The following KIF1B variants were observed in gnomAD, a reference collection of about 807,000 sequenced individuals.
KIF1B encodes kinesin-like protein KIF1B.
KIF1B carries 76 observed loss-of-function variants against 241.9 expected under a neutral mutation model. The observed-to-expected ratio is 0.31, with a 90% CI of 0.26 to 0.38. The LOEUF (loss-of-function observed/expected upper bound fraction) is 0.38, where lower values mean the gene tolerates loss of function less well. KIF1B is among the 10% of genes least tolerant of loss of function. The probability of loss-of-function intolerance (pLI) is 1.00; values close to 1 mark genes in which losing one functional copy is unlikely to be tolerated. For missense variants in KIF1B, 1,622 were observed against 2,271.4 expected, an observed-to-expected ratio of 0.71 and a Z score of 5.81; for synonymous variants, 750 against 796.7, an observed-to-expected ratio of 0.94 and a Z score of 0.99.
At position 10,303,354 on chromosome 1, in the gene KIF1B, G is replaced by A. The variant is rs1444271958; in HGVS notation, c.2115+6108G>A. 1 of 1,614,198 alleles carries A rather than the reference G, an allele frequency of 6.2e-7. No homozygotes were observed. Among genetic ancestry groups the A allele is most frequent in the East Asian group, 2.2e-5 (1 of 44,884 alleles). Reference sequence around the variant, plus strand: ...ATCAGATACCCCAAAGAAGGCGCTTGAGTAAAGATTCCAAGTGGGTCACAA... The same window carrying A: ...ATCAGATACCCCAAAGAAGGCGCTTAAGTAAAGATTCCAAGTGGGTCACAA... On this transcript the variant is annotated intron_variant, in intron 22 of 48. Transcript: ENST00000676179. This position sits in a 1 kb window ranked among gnomAD's most constrained non-coding sequence, Gnocchi z 5.2.
In KIF1B at chr1:10,370,154, G is replaced by A. The variant is rs148300429; in HGVS notation, c.4825-987G>A. On this transcript the variant is annotated intron_variant, in intron 44 of 48. Coordinates refer to ENST00000676179, the MANE Select transcript of KIF1B (RefSeq NM_001365951.3). ...TGTAATCCCAGCTACTCAGGAGGCTGTGGCAGAATTGCTTGAACCTGGGAG... is the reference window on the plus strand; with the variant it reads ...TGTAATCCCAGCTACTCAGGAGGCTATGGCAGAATTGCTTGAACCTGGGAG... Among the ~76,000 whole-genome samples the A allele has an allele frequency of 1.4e-3, 213 of 152,306 alleles. 1 individual carries two copies. Among genetic ancestry groups the A allele is most frequent in the African/African-American group, 4.9e-3 (204 of 41,564 alleles).
At chr1:10,372,778 C>T (rs1638781230) in intron 45 of KIF1B, among the ~76,000 whole-genome samples, 1 of 148,944 alleles carries the variant, frequency 6.7e-6, no homozygotes, top group African/African-American at 2.4e-5. Flanking sequence ...TACAGGTGCC[C>T]GCCACCACAC....
intron 37 of KIF1B, among the ~76,000 whole-genome samples, 196 bp downstream of exon 37, chr1:10,348,929 C>G (rs1026615911): frequency 6.6e-6 from 1 of 152,162 alleles, no homozygotes; most frequent in Non-Finnish European, 1.5e-5. Context: ...GTGTGAGGCA[C>G]TGTGCCCTGT....
chr1:10,260,881 A>G (rs1483792236), intron 4 of KIF1B, among the ~76,000 whole-genome samples: 2 of 151,626 alleles, frequency 1.3e-5, no homozygotes, highest in East Asian at 1.9e-4. Context: ...AAAAAAAAAA[A>G]GAAACCACAC....
chr1:10,210,622 C>A lies in KIF1B; in HGVS notation c.-336C>A, dbSNP rs943896795. On this transcript the variant is annotated 5_prime_UTR_variant, in exon 1 of 49. Transcript: ENST00000676179. This position sits in a 1 kb window ranked among gnomAD's most constrained non-coding sequence, Gnocchi z 4.1. ...GCCCGCGCGCGTCGGAGCAGCTCCC[C>A]GTCCTCCGCAGCCGTCACCGCCGGC... Among the ~76,000 whole-genome samples, 6 of 151,716 alleles carry A rather than the reference C, an allele frequency of 4.0e-5. No homozygotes were observed. Among genetic ancestry groups the A allele is most frequent in the African/African-American group, 1.4e-4 (6 of 41,490 alleles).
At chr1:10,259,304 A>C (rs1647978380) in intron 4 of KIF1B, among the ~76,000 whole-genome samples, 1 of 151,818 alleles carries the variant, frequency 6.6e-6, no homozygotes, top group Admixed American at 6.6e-5. Context: ...AAGTATTTAA[A>C]AAGAACTTCA....
intron 37 of KIF1B, among the ~76,000 whole-genome samples, chr1:10,350,972 C>T (rs1178858631): frequency 6.6e-6 from 1 of 150,486 alleles, no homozygotes; most frequent in Non-Finnish European, 1.5e-5. Flanking sequence ...CCTATAGTCT[C>T]AACTACTCAG....
At position 10,271,774 on chromosome 1, in the gene KIF1B, C is replaced by T. The variant is rs754706860; in HGVS notation, c.798+195C>T. Among the ~76,000 whole-genome samples the T allele has an allele frequency of 6.6e-5, 10 of 152,206 alleles. No homozygotes were observed. In the East Asian group the frequency reaches 9.6e-4, roughly 15 times the overall value. On this transcript the variant is annotated intron_variant, in intron 8 of 48. Coordinates refer to ENST00000676179, the MANE Select transcript of KIF1B (RefSeq NM_001365951.3). Reference sequence around the variant, plus strand: ...AAAATAATTTGTGTCTGTCCTTCTACGGAAAAATTTTGCTGACTCCTGATC... The same window carrying T: ...AAAATAATTTGTGTCTGTCCTTCTATGGAAAAATTTTGCTGACTCCTGATC...
At chr1:10,301,720 A>G (rs1569766795) in intron 22 of KIF1B, among the ~76,000 whole-genome samples, 1 of 152,208 alleles carries the variant, frequency 6.6e-6, no homozygotes, top group African/African-American at 2.4e-5. Context: ...TCATAGGCAG[A>G]GCAGCTGAGT....
intron 17 of KIF1B, among the ~76,000 whole-genome samples, chr1:10,293,401 T>C (rs1263212431): frequency 6.7e-6 from 1 of 149,782 alleles, no homozygotes; most frequent in Admixed American, 6.6e-5. Context: ...AAATTTTTTT[T>C]TTTTTTTTTT....
At chr1:10,306,757 TAAAAAAAAA>T (rs745772393) in intron 22 of KIF1B, 16,273 of 566,286 alleles carry the variant, frequency 0.029, 73 homozygotes, top group Non-Finnish European at 0.031. Context: ...AACCTGTCTT[TAAAAAAAAA>T]AAAAAAAAAA....
intron 2 of KIF1B, among the ~76,000 whole-genome samples, chr1:10,240,721 A>T (rs113387068): frequency 0.042 from 4,571 of 110,054 alleles, 119 homozygotes; most frequent in Middle Eastern, 0.16. Flanking sequence ...TGGGTAGTTC[A>T]TTTTTTTTTT....
intron 1 of KIF1B, among the ~76,000 whole-genome samples, chr1:10,224,190 C>T (rs1289863502): frequency 1.3e-5 from 2 of 152,052 alleles, no homozygotes; most frequent in Admixed American, 6.6e-5. Context: ...TATCCCAGCT[C>T]ACTGCAACCT....
At position 10,326,527 on chromosome 1, in the gene KIF1B, A is replaced by G. The variant is rs1651730438; in HGVS notation, c.2924+168A>G. 6.6e-6 allele frequency among the ~76,000 whole-genome samples: 1 copy of G among 152,130 alleles called. No individual in the cohort carries two copies. The highest frequency in any genetic ancestry group is 1.5e-5 in the Non-Finnish European group (1 of 68,024). On this transcript the variant is annotated intron_variant, in intron 27 of 48. Transcript: ENST00000676179. This position sits in a 1 kb window ranked among gnomAD's most constrained non-coding sequence, Gnocchi z 5.2. ...CTTAGTCAGTGCTGGTCTGGCTGAG[A>G]TGGTTCTCAGGCATTGTGTGTGAGG...
intron 1 of KIF1B, among the ~76,000 whole-genome samples, chr1:10,213,338 A>G (rs1646722138): frequency 6.6e-6 from 1 of 152,160 alleles, no homozygotes; most frequent in African/African-American, 2.4e-5. Flanking sequence ...TAAGGCTTAG[A>G]ACAGACTGTT....
chr1:10,279,084 T>G lies in KIF1B; in HGVS notation c.1181-13T>G, dbSNP rs1649269724. ...TTGACCCTTCTCGTATTTTCCCTCC[T>G]GCTTACCTTCAGTTGATCCATTGAT... On this transcript the variant is annotated splice_polypyrimidine_tract_variant and intron_variant, in intron 13 of 48. Coordinates refer to ENST00000676179, the MANE Select transcript of KIF1B (RefSeq NM_001365951.3). 1.3e-6 allele frequency: 2 copies of G among 1,544,060 alleles called. No individual in the cohort carries two copies. Among genetic ancestry groups the G allele is most frequent in the Admixed American group, 3.9e-5 (2 of 50,944 alleles).
At chr1:10,255,625 A>T (rs1458380033) in intron 2 of KIF1B, among the ~76,000 whole-genome samples, 1 of 152,166 alleles carries the variant, frequency 6.6e-6, no homozygotes. Flanking sequence ...GTTCATTTCC[A>T]AATTTTGGCT....
At chr1:10,375,671 C>T (rs1375855892) in intron 48 of KIF1B, among the ~76,000 whole-genome samples, 1 of 151,922 alleles carries the variant, frequency 6.6e-6, no homozygotes, top group African/African-American at 2.4e-5. Flanking sequence ...AGGCCTGAGC[C>T]ACTGCACCCA....
intron 3 of KIF1B, 137 bp from the exon 4 acceptor site, chr1:10,258,356 A>G: frequency 1.3e-6 from 1 of 794,304 alleles, no homozygotes; most frequent in Admixed American, 2.4e-5. Flanking sequence ...AAACTTGTGT[A>G]TAGGAGGCTT....
Sources: allele counts gnomAD v4.1 joint callset (sites outside exome capture counted in the v4.1 genomes callset), GRCh38; gene constraint gnomAD v4.1.1; non-coding constraint Gnocchi (gnomAD v3.1); transcripts MANE v1.5; gene names NCBI Gene and HGNC (gene_info 2026-07-23, HGNC 2026-07-21).